NBEA: variants seen among roughly 807,000 people sequenced by gnomAD.
NBEA encodes the protein lysosomal-trafficking regulator 2.
Under a neutral mutation model 343.4 loss-of-function variants are expected in NBEA, and 44 were observed. The observed-to-expected ratio is 0.13, with a 90% confidence interval of 0.10 to 0.16. The LOEUF (loss-of-function observed/expected upper bound fraction) is 0.16. Ranked by LOEUF, NBEA falls within the 10% of genes least tolerant of loss-of-function variation. The pLI, the probability that NBEA is intolerant of heterozygous loss-of-function variation, is 1.00. For missense variants in NBEA, 2,555 were observed against 3,631.3 expected (o/e 0.70, Z 7.62); for synonymous variants, 1,175 against 1,238.7 (o/e 0.95, Z 1.08).
At chr13:35,655,949 C>T (rs2084793717) in intron 55 of NBEA, among the ~76,000 whole-genome samples, 200 bp downstream of exon 55, 1 of 152,136 alleles carries the variant, frequency 6.6e-6, no homozygotes, top group Non-Finnish European at 1.5e-5. Context: ...CATGGAGAGA[C>T]TTCCAGATCC....
intron 1 of NBEA, among the ~76,000 whole-genome samples, chr13:35,021,370 A>G (rs1325147321): frequency 6.6e-6 from 1 of 152,126 alleles, no homozygotes; most frequent in African/African-American, 2.4e-5. Context: ...ATTTTTTTGT[A>G]GACAGATTGT....
At chr13:35,614,739 A>G (rs1041169156) in intron 48 of NBEA, among the ~76,000 whole-genome samples, 3 of 152,220 alleles carry the variant, frequency 2.0e-5, no homozygotes, top group South Asian at 2.1e-4. Flanking sequence ...GCAAACAGCT[A>G]TCTGGCTGGC....
chr13:35,046,466 G>GGTTATGTACAGTAGTCCC, intron 4 of NBEA, among the ~76,000 whole-genome samples: 1 of 152,042 alleles, frequency 6.6e-6, no homozygotes, highest in Non-Finnish European at 1.5e-5. Flanking sequence ...GCATTTAAAT[G>GGTTATGTACAGTAGTCCC]GTTATGTACA....
chr13:35,012,596 A>G (rs1235487399), intron 1 of NBEA, among the ~76,000 whole-genome samples: 1 of 152,176 alleles, frequency 6.6e-6, no homozygotes, highest in African/African-American at 2.4e-5. Flanking sequence ...CAAATTATGG[A>G]TTTAGTAAGT....
At chr13:35,295,843 T>C (rs2152821720) in intron 35 of NBEA, among the ~76,000 whole-genome samples, 1 of 152,298 alleles carries the variant, frequency 6.6e-6, no homozygotes, top group African/African-American at 2.4e-5. Context: ...ATAATTCAAA[T>C]TACTTTTGAT....
intron 10 of NBEA, among the ~76,000 whole-genome samples, chr13:35,093,745 A>G (rs2065196765): frequency 6.6e-6 from 1 of 151,990 alleles, no homozygotes; most frequent in Non-Finnish European, 1.5e-5. Context: ...ATCCATATTT[A>G]CTATAGTGGT....
intron 40 of NBEA, among the ~76,000 whole-genome samples, chr13:35,472,037 C>G (rs761188138): frequency 6.6e-6 from 1 of 152,074 alleles, no homozygotes; most frequent in Non-Finnish European, 1.5e-5. Context: ...TGCTGACTGC[C>G]TAGGGTCTCT....
At chr13:35,594,992 A>AC (rs35174924) in intron 47 of NBEA, among the ~76,000 whole-genome samples, 9,007 of 130,584 alleles carry the variant, frequency 0.069, 340 homozygotes, top group Non-Finnish European at 0.086. Flanking sequence ...CACACACACA[A>AC]ATTGGCTTTT....
At chr13:35,181,286 A>G (rs1310922489) in intron 28 of NBEA, among the ~76,000 whole-genome samples, 3 of 151,952 alleles carry the variant, frequency 2.0e-5, no homozygotes, top group Non-Finnish European at 4.4e-5. Flanking sequence ...CATTCCCACC[A>G]GCAGTGTAGA....
intron 34 of NBEA, chr13:35,251,490 T>C (rs1259739150): frequency 2.8e-6 from 3 of 1,077,798 alleles, no homozygotes; most frequent in East Asian, 8.9e-5. Context: ...AGGTGAGTGA[T>C]GACCTTGTGG....
chr13:35,160,556 A>T (rs528838295), intron 22 of NBEA, among the ~76,000 whole-genome samples: 1 of 152,188 alleles, frequency 6.6e-6, no homozygotes, highest in African/African-American at 2.4e-5. Context: ...ACTGTGCTAT[A>T]TGTTTTCAGA....
intron 16 of NBEA, among the ~76,000 whole-genome samples, chr13:35,120,093 A>G (rs2066712338): frequency 2.0e-5 from 3 of 152,186 alleles, no homozygotes; most frequent in Admixed American, 6.5e-5. Context: ...AATTTAGTGA[A>G]TCAGTTGAAG....
intron 38 of NBEA, among the ~76,000 whole-genome samples, chr13:35,380,563 T>C (rs966446700): frequency 1.3e-5 from 2 of 152,172 alleles, no homozygotes; most frequent in Admixed American, 1.3e-4. Flanking sequence ...GTAAAAAATA[T>C]CATTTTTAAA....
At chr13:35,272,113 TG>T (rs913797605) in intron 34 of NBEA, among the ~76,000 whole-genome samples, 1 of 152,112 alleles carries the variant, frequency 6.6e-6, no homozygotes, top group African/African-American at 2.4e-5. Flanking sequence ...AGAGAAAGGT[TG>T]GGTTACCCAC....
chr13:35,236,280 C>G (rs1356627951), intron 34 of NBEA, among the ~76,000 whole-genome samples: 1 of 152,064 alleles, frequency 6.6e-6, no homozygotes, highest in African/African-American at 2.4e-5. Context: ...TGGTCATAAC[C>G]CTCCCTTCCA....
intron 41 of NBEA, among the ~76,000 whole-genome samples, chr13:35,495,668 T>G (rs553907523): frequency 5.7e-4 from 86 of 152,106 alleles, no homozygotes; most frequent in Middle Eastern, 3.4e-3. Context: ...CAACCAGACC[T>G]AATACACATC....
chr13:35,020,462 G>T (rs75816421), intron 1 of NBEA, among the ~76,000 whole-genome samples: 1,750 of 152,186 alleles, frequency 0.011, 41 homozygotes, highest in African/African-American at 0.039. Flanking sequence ...TCTGCTGTTG[G>T]ATGGTATGTA....
At chr13:35,259,985 A>G (rs1001204809) in intron 34 of NBEA, among the ~76,000 whole-genome samples, 4 of 152,230 alleles carry the variant, frequency 2.6e-5, no homozygotes, top group African/African-American at 9.6e-5. Context: ...TGCTTTAACA[A>G]TTGATGGCTA....
rs183809292 is a variant in NBEA, at chr13:35,005,625, G to A, written c.295-35308G>A. 6.4e-4 allele frequency among the ~76,000 whole-genome samples: 97 copies of A among 152,282 alleles called. 1 individual carries two copies. Among genetic ancestry groups the A allele is most frequent in the Non-Finnish European group, 3.1e-4 (21 of 68,028 alleles). On this transcript the variant is annotated intron_variant, in intron 1 of 58. Coordinates refer to ENST00000379939, the MANE Select transcript of NBEA (RefSeq NM_001385012.1). ...TTGGTATTAGAGCATTTCTTCTCTA[G>A]TGGAGAAGACAGAAAGTGAAACAGT...
Sources: gnomAD v4.1 joint callset for allele counts (sites outside exome capture counted in the v4.1 genomes callset) on GRCh38, gnomAD v4.1.1 for gene constraint, MANE v1.5 for transcripts, NCBI Gene and HGNC (gene_info 2026-07-23, HGNC 2026-07-21) for gene names.